Variants in TNS3 observed in about 807,000 individuals in gnomAD.
The protein encoded by TNS3 is tensin 3, also known as tensin-3.
In TNS3, 45 loss-of-function variants were observed where a neutral mutation model predicts 140.9. The observed-to-expected ratio is 0.32, with a 90% CI of 0.25 to 0.41. TNS3 has a LOEUF of 0.41. Among genes scored for constraint, TNS3 ranks in the 10% least tolerant of loss-of-function variants. The pLI is 1.00. For missense variants in TNS3, 1,716 were observed against 1,906.7 expected, an observed-to-expected ratio of 0.90 and a Z score of 1.86; for synonymous variants, 815 against 788.4, an observed-to-expected ratio of 1.03 and a Z score of -0.56.
chr7:47,560,633 G>A (rs1048461525), intron 1 of TNS3, among the ~76,000 whole-genome samples: 3 of 152,076 alleles, frequency 2.0e-5, no homozygotes, highest in Non-Finnish European at 4.4e-5. Flanking sequence ...TGCAACCCTC[G>A]AACTGGGATC....
At position 47,277,749 on chromosome 7, in the gene TNS3, T is replaced by C. The variant is rs912127019; in HGVS notation, c.*327A>G. The stretch of plus-strand genomic sequence containing the variant: ...CCGGAATGCTAGTGTGCCAGGGACA[T>C]GGGGACCACCTCGTGTTCTGTGCTG... On this transcript the variant is annotated 3_prime_UTR_variant, in exon 31 of 31. Transcript: ENST00000311160. 2 of 382,314 alleles carry C rather than the reference T, an allele frequency of 5.2e-6. No individual in the cohort carries two copies. Among genetic ancestry groups the C allele is most frequent in the African/African-American group, 4.2e-5 (2 of 48,106 alleles). 23.7% of individuals were successfully genotyped at this position (382,314 alleles called of 1,614,324 possible). A position where few individuals can be genotyped will look rare whatever the true frequency, so the allele number is the denominator to read the frequency against.
At chr7:47,299,979 G>A (rs1053827408) in intron 23 of TNS3, among the ~76,000 whole-genome samples, 23 of 152,182 alleles carry the variant, frequency 1.5e-4, no homozygotes, top group African/African-American at 5.6e-4. Flanking sequence ...GTACAACTGG[G>A]ACAGTAGTAC....
intron 2 of TNS3, among the ~76,000 whole-genome samples, chr7:47,512,887 C>G (rs538703022): frequency 1.3e-5 from 2 of 152,294 alleles, no homozygotes; most frequent in Admixed American, 1.3e-4. Context: ...CAACAAGGAA[C>G]AAGAGTATGA....
At chr7:47,386,628 G>A (rs1792088932) in intron 16 of TNS3, among the ~76,000 whole-genome samples, 1 of 152,232 alleles carries the variant, frequency 6.6e-6, no homozygotes, top group Non-Finnish European at 1.5e-5. Flanking sequence ...GCTGTGCTGA[G>A]GCAACGAGCC....
intron 17 of TNS3, 74 bp from the exon 18 acceptor site, chr7:47,346,430 G>A: frequency 6.4e-7 from 1 of 1,559,182 alleles, no homozygotes; most frequent in Non-Finnish European, 8.7e-7. Flanking sequence ...CTTAAATCTT[G>A]CCTGCTGCTT....
At chr7:47,482,853 CTG>C (rs1400353704) in intron 3 of TNS3, among the ~76,000 whole-genome samples, 2 of 152,226 alleles carry the variant, frequency 1.3e-5, no homozygotes, top group Non-Finnish European at 2.9e-5. Context: ...GATTTCAACT[CTG>C]TGACATTCTG....
At chr7:47,344,135 C>T (rs773832353) in intron 20 of TNS3, among the ~76,000 whole-genome samples, 48 of 152,316 alleles carry the variant, frequency 3.2e-4, no homozygotes, top group Middle Eastern at 3.4e-3. Context: ...CTCCACCTGC[C>T]TGAGCTCGGC....
intron 20 of TNS3, among the ~76,000 whole-genome samples, chr7:47,331,273 A>C (rs1389374531): frequency 6.6e-6 from 1 of 152,208 alleles, no homozygotes; most frequent in Non-Finnish European, 1.5e-5. Context: ...CCGAGGGACC[A>C]GGCACTGCAG....
At chr7:47,568,636 C>T (rs1309037979) in intron 1 of TNS3, among the ~76,000 whole-genome samples, 1 of 152,272 alleles carries the variant, frequency 6.6e-6, no homozygotes, top group East Asian at 1.9e-4. Flanking sequence ...GGCCTCCACT[C>T]TGCGGTGTGC....
intron 20 of TNS3, among the ~76,000 whole-genome samples, chr7:47,326,059 T>C (rs962519226): frequency 2.0e-5 from 3 of 152,234 alleles, no homozygotes; most frequent in African/African-American, 7.2e-5. Flanking sequence ...CCAATCTGAA[T>C]GTCAACAGCT....
intron 16 of TNS3, among the ~76,000 whole-genome samples, chr7:47,386,000 T>G (rs1045950573): frequency 1.3e-5 from 2 of 152,250 alleles, no homozygotes; most frequent in Non-Finnish European, 2.9e-5. Flanking sequence ...TTAGCTCACA[T>G]TCACACTGAC....
At chr7:47,302,091 G>A (rs908025634) in intron 23 of TNS3, 95 bp downstream of exon 23, 9 of 1,004,492 alleles carry the variant, frequency 9.0e-6, no homozygotes, top group Admixed American at 3.6e-5. Context: ...GGCCACGGCT[G>A]CCCGATGTTC....
chr7:47,402,914 C>T (rs1287993747), intron 13 of TNS3, among the ~76,000 whole-genome samples: 3 of 152,238 alleles, frequency 2.0e-5, no homozygotes, highest in Non-Finnish European at 2.9e-5. Context: ...TGATAGCTCA[C>T]GCAGCCTGTG....
At chr7:47,529,731 A>G (rs1223373418) in intron 1 of TNS3, among the ~76,000 whole-genome samples, 1 of 152,248 alleles carries the variant, frequency 6.6e-6, no homozygotes, top group Non-Finnish European at 1.5e-5. Flanking sequence ...TAGCACTTGG[A>G]AAAACTAACC....
intron 2 of TNS3, among the ~76,000 whole-genome samples, chr7:47,519,867 A>T (rs1369690890): frequency 1.8e-5 from 2 of 111,244 alleles, no homozygotes; most frequent in Non-Finnish European, 3.3e-5. Context: ...TCTGTTGCCC[A>T]GGCTGGAGTG....
Position 47,297,092 on chromosome 7 carries a change from C to T in TNS3, c.3666G>A (p.Leu1222=). 6.2e-7 allele frequency: 1 copy of T among 1,614,116 alleles called. No individual in the cohort carries two copies. The part of the protein sequence containing the change: ...VATPPPSVLQ[L]NKKAGDLANE... ...GAGCAGTAACCTTACCTTTCTTGTT[C>T]AGCTGCAGGACTGAAGGTGGGGGCG... Residue 1222 remains leucine, a synonymous_variant, in exon 24 of 31, where the codon CTG becomes CTA. Transcript: ENST00000311160.
At chr7:47,521,704 CA>C (rs563489053) in intron 2 of TNS3, among the ~76,000 whole-genome samples, 58 of 152,088 alleles carry the variant, frequency 3.8e-4, no homozygotes, top group Non-Finnish European at 6.3e-4. Context: ...CACAGTCCAG[CA>C]AGAGGTCAAA....
intron 16 of TNS3, among the ~76,000 whole-genome samples, chr7:47,385,386 T>C (rs1184596840): frequency 6.6e-6 from 1 of 152,242 alleles, no homozygotes; most frequent in Non-Finnish European, 1.5e-5. Context: ...GGGTGAGCTC[T>C]GACAACAACA....
chr7:47,545,308 T>C (rs1799892173), intron 1 of TNS3, among the ~76,000 whole-genome samples: 1 of 152,016 alleles, frequency 6.6e-6, no homozygotes, highest in South Asian at 2.1e-4. Context: ...CCCAGCTAAT[T>C]TTTGTATTTT....
Sources: gnomAD v4.1 joint callset for allele counts (sites outside exome capture counted in the v4.1 genomes callset) on GRCh38, gnomAD v4.1.1 for gene constraint, MANE v1.5 for transcripts, NCBI Gene and HGNC (gene_info 2026-07-23, HGNC 2026-07-21) for gene names.